Variants in OXCT1 observed in about 807,000 individuals in gnomAD.
OXCT1 encodes the protein succinyl-CoA:3-ketoacid coenzyme A transferase 1, mitochondrial.
A neutral mutation model predicts 69.6 loss-of-function variants in OXCT1; 27 were observed. That is an observed-to-expected ratio of 0.39 (90% CI 0.29 to 0.54). The LOEUF (loss-of-function observed/expected upper bound fraction) is 0.54, where lower values mean the gene tolerates loss of function less well. Among genes scored for constraint, OXCT1 ranks in the 20% least tolerant of loss-of-function variants. OXCT1 has a pLI of 0.72. For synonymous variants in OXCT1, 202 were observed against 217.8 expected (o/e 0.93, Z 0.64); for missense variants, 437 against 650.2 (o/e 0.67, Z 3.57).
At chr5:41,867,264 C>A (rs1477110756) in intron 1 of OXCT1, among the ~76,000 whole-genome samples, 17 of 152,152 alleles carry the variant, frequency 1.1e-4, no homozygotes, top group Admixed American at 1.1e-3. Context: ...CTCATTATTT[C>A]TTTCCTTCAC....
intron 7 of OXCT1, among the ~76,000 whole-genome samples, chr5:41,826,798 T>C (rs1747827858): frequency 6.6e-6 from 1 of 152,066 alleles, no homozygotes; most frequent in Non-Finnish European, 1.5e-5. Context: ...TACAATAATA[T>C]ATCCATCTGC....
chr5:41,788,015 C>T (rs4957420), intron 13 of OXCT1, among the ~76,000 whole-genome samples: 106,187 of 151,932 alleles, frequency 0.7, 37,676 homozygotes, highest in African/African-American at 0.77. Flanking sequence ...TCCTCATTTT[C>T]AAAGATTACT....
intron 7 of OXCT1, among the ~76,000 whole-genome samples, chr5:41,837,222 G>GCA (rs1360312583): frequency 6.6e-6 from 1 of 151,652 alleles, no homozygotes; most frequent in Admixed American, 6.6e-5. Context: ...GAAGATGCTG[G>GCA]CACAGAGCTT....
chr5:41,742,783 C>T (rs1386755735), intron 15 of OXCT1, among the ~76,000 whole-genome samples: 1 of 152,176 alleles, frequency 6.6e-6, no homozygotes, highest in African/African-American at 2.4e-5. Context: ...CCAGCTTCAT[C>T]CATATCCCTA....
chr5:41,733,501 C>A (rs1742742638), intron 16 of OXCT1, among the ~76,000 whole-genome samples: 1 of 152,190 alleles, frequency 6.6e-6, no homozygotes, highest in African/African-American at 2.4e-5. Context: ...CCTGCCTCAG[C>A]CTCCCAAAGT....
chr5:41,785,795 G>A (rs186172738), intron 13 of OXCT1, among the ~76,000 whole-genome samples: 77 of 152,336 alleles, frequency 5.1e-4, no homozygotes, highest in Admixed American at 1.9e-3. Flanking sequence ...GGTTTTGTAT[G>A]AAGGATTTAT....
At chr5:41,851,389 T>G (rs560635077) in intron 4 of OXCT1, among the ~76,000 whole-genome samples, 130 of 152,312 alleles carry the variant, frequency 8.5e-4, no homozygotes, top group African/African-American at 2.9e-3. Flanking sequence ...TGTTGTGAAG[T>G]TAGTAACATT....
chr5:41,765,019 G>T (rs888263403), intron 13 of OXCT1, among the ~76,000 whole-genome samples: 15 of 152,058 alleles, frequency 9.9e-5, no homozygotes, highest in Non-Finnish European at 1.0e-4. Context: ...AATTCCCAAA[G>T]GATTTCTGAA....
In OXCT1 at chr5:41,730,346, T is replaced by C. The variant is rs1299194671; in HGVS notation, c.*1383A>G. The C allele has an allele frequency of 6.6e-6, 1 of 152,244 alleles. No individual in the cohort carries two copies. Among genetic ancestry groups the C allele is most frequent in the African/African-American group, 2.4e-5 (1 of 41,460 alleles). The allele number at this position is 152,244 out of a possible 1,614,324, so 9.4% of individuals were successfully genotyped here. A position where few individuals can be genotyped will look rare whatever the true frequency, so the allele number is the denominator to read the frequency against. The stretch of plus-strand genomic sequence containing the variant: ...GGTCAGCCAGAAAGGCTGTTTTATA[T>C]ATGGTGTGTGTTACTCATAAAAAGC... On this transcript the variant is annotated 3_prime_UTR_variant, in exon 17 of 17. Transcript: ENST00000196371.
chr5:41,844,942 C>CAA (rs552992378), intron 5 of OXCT1, among the ~76,000 whole-genome samples: 992 of 78,222 alleles, frequency 0.013, 9 homozygotes, highest in African/African-American at 0.038. Flanking sequence ...GGCTTCCTAG[C>CAA]AAAAAAAAAA....
At chr5:41,781,980 T>C (rs1443252540) in intron 13 of OXCT1, among the ~76,000 whole-genome samples, 1 of 152,106 alleles carries the variant, frequency 6.6e-6, no homozygotes, top group African/African-American at 2.4e-5. Flanking sequence ...AGCAATGGGA[T>C]TGCTGAGTCA....
chr5:41,804,486 C>A (rs1161245400), intron 9 of OXCT1, among the ~76,000 whole-genome samples: 1 of 152,022 alleles, frequency 6.6e-6, no homozygotes, highest in Admixed American at 6.6e-5. Context: ...GAATAAAGAA[C>A]ACCTAAAATC....
intron 2 of OXCT1, among the ~76,000 whole-genome samples, chr5:41,862,002 G>A (rs1302786785): frequency 6.6e-6 from 1 of 152,192 alleles, no homozygotes; most frequent in South Asian, 2.1e-4. Flanking sequence ...CTAGAGGTCA[G>A]GAGTTTGAAA....
chr5:41,785,038 T>C (rs1295401916), intron 13 of OXCT1, among the ~76,000 whole-genome samples: 2 of 152,148 alleles, frequency 1.3e-5, no homozygotes, highest in Non-Finnish European at 2.9e-5. Flanking sequence ...TAACCAAATA[T>C]AGCACCCAAG....
intron 5 of OXCT1, among the ~76,000 whole-genome samples, chr5:41,847,796 A>G (rs1032428752): frequency 6.6e-6 from 1 of 151,822 alleles, no homozygotes; most frequent in Non-Finnish European, 1.5e-5. Context: ...AATAAGAGCT[A>G]TCTATGACAA....
chr5:41,813,332 G>C (rs1747078521), intron 7 of OXCT1, among the ~76,000 whole-genome samples: 1 of 152,070 alleles, frequency 6.6e-6, no homozygotes, highest in Non-Finnish European at 1.5e-5. Flanking sequence ...ATGGTGGCTT[G>C]ATAAAGCCTT....
intron 13 of OXCT1, among the ~76,000 whole-genome samples, chr5:41,768,897 C>A (rs932668158): frequency 5.2e-4 from 79 of 152,104 alleles, no homozygotes; most frequent in African/African-American, 1.8e-3. Context: ...TCTGTAATAA[C>A]CTGGACCCTC....
intron 7 of OXCT1, among the ~76,000 whole-genome samples, chr5:41,838,196 A>G (rs1008836890): frequency 2.0e-5 from 3 of 152,198 alleles, no homozygotes; most frequent in Non-Finnish European, 4.4e-5. Flanking sequence ...GGTATAGCAC[A>G]GAACAGGGGG....
At chr5:41,827,022 C>T (rs952208394) in intron 7 of OXCT1, among the ~76,000 whole-genome samples, 3 of 152,050 alleles carry the variant, frequency 2.0e-5, no homozygotes, top group Non-Finnish European at 2.9e-5. Context: ...TCCAACATAC[C>T]GTATCTCTTA....
Sources: allele counts gnomAD v4.1 joint callset (sites outside exome capture counted in the v4.1 genomes callset), GRCh38; gene constraint gnomAD v4.1.1; transcripts MANE v1.5; gene names NCBI Gene and HGNC (gene_info 2026-07-23, HGNC 2026-07-21).